The following BEST3 variants were observed in gnomAD, a reference collection of about 807,000 sequenced individuals.
BEST3 encodes bestrophin-3.
BEST3 carries 50 observed loss-of-function variants against 47.1 expected under a neutral mutation model. That is an observed-to-expected ratio of 1.06 (90% CI 0.85 to 1.34). The LOEUF is 1.34. BEST3 is among the 40% of genes most tolerant of loss of function. BEST3 has a pLI of 0.00. For missense variants in BEST3, 765 were observed against 817.0 expected (o/e 0.94, Z 0.78); for synonymous variants, 282 against 298.8 (o/e 0.94, Z 0.58).
chr12:69,654,727 A>AT lies in BEST3; in HGVS notation c.*179dup. 1 of 1,349,054 alleles carries AT rather than the reference A, an allele frequency of 7.4e-7. No homozygotes were observed. The highest frequency in any genetic ancestry group is 9.5e-7 in the Non-Finnish European group (1 of 1,052,040). The allele number at this position is 1,349,054 out of a possible 1,614,324, so 83.6% of individuals were successfully genotyped here. A position where few individuals can be genotyped will look rare whatever the true frequency, so the allele number is the denominator to read the frequency against. Reference sequence around the variant, plus strand: ...GTGTTGGATGACGTGAATGCGTTTGATTTTTCGCAGCTCTCAAAAAGTCAG... The same window carrying AT: ...GTGTTGGATGACGTGAATGCGTTTGATTTTTTCGCAGCTCTCAAAAAGTCAG... On this transcript the variant is annotated 3_prime_UTR_variant, in exon 10 of 10. Transcript: ENST00000330891.
At chr12:69,675,319 G>A (rs1188619348) in intron 7 of BEST3, among the ~76,000 whole-genome samples, 1 of 150,958 alleles carries the variant, frequency 6.6e-6, no homozygotes, top group Non-Finnish European at 1.5e-5. Context: ...ATGGGGTTTC[G>A]CCATATTGCC....
At chr12:69,685,825 G>A (rs1374868688) in intron 4 of BEST3, among the ~76,000 whole-genome samples, 1 of 152,180 alleles carries the variant, frequency 6.6e-6, no homozygotes, top group East Asian at 1.9e-4. Context: ...ACATTGAGTG[G>A]ATAGCCTTTA....
downstream of BEST3, among the ~76,000 whole-genome samples, chr12:69,651,644 G>A (rs575732505): frequency 4.6e-5 from 7 of 151,936 alleles, no homozygotes; most frequent in African/African-American, 9.6e-5. Context: ...GTGTGATGGC[G>A]GGTCCCTGTA....
rs1885076446 is a variant in BEST3, at chr12:69,678,852, T to C, written c.523A>G (p.Lys175Glu). 1 of 1,613,264 alleles carries C rather than the reference T, an allele frequency of 6.2e-7. No homozygotes were observed. The highest frequency in any genetic ancestry group is 1.3e-5 in the African/African-American group (1 of 74,904). ...TDERKLFNHL[K>E]SPHLKYWVPF... is the part of the protein sequence containing the mutation. ...ACCCAATATTTCAGATGAGGAGACT[T>C]GAGGTGGTTGAATAATTTCCTTTCA... Residue 175 changes from lysine to glutamate, a missense_variant, in exon 5 of 10, where the codon AAG becomes GAG. By Grantham distance (56) the Lys-to-Glu change is moderately conservative. Transcript: ENST00000330891.
chr12:69,699,231 C>A lies in BEST3; in HGVS notation c.-42G>T. On this transcript the variant is annotated 5_prime_UTR_variant, in exon 1 of 10. Transcript: ENST00000330891. The stretch of plus-strand genomic sequence containing the variant: ...TATTTATTTGGTTTGTAGTCTCCGA[C>A]AGGAAAGAGAATCTTCAAATTTCGG... 39 of 985,442 alleles carry A rather than the reference C, an allele frequency of 4.0e-5. No individual in the cohort carries two copies. Among genetic ancestry groups the A allele is most frequent in the Non-Finnish European group, 4.6e-5 (38 of 829,928 alleles). 61.0% of individuals were successfully genotyped at this position (985,442 alleles called of 1,614,324 possible). A position where few individuals can be genotyped will look rare whatever the true frequency, so the allele number is the denominator to read the frequency against.
chr12:69,679,897 G>A (rs953647608), intron 4 of BEST3, among the ~76,000 whole-genome samples: 4 of 137,210 alleles, frequency 2.9e-5, no homozygotes, highest in Non-Finnish European at 6.2e-5. Context: ...GTGTGTGTGT[G>A]CATGTGTGTA....
At chr12:69,675,158 T>C (rs1220999819) in intron 7 of BEST3, among the ~76,000 whole-genome samples, 2 of 152,158 alleles carry the variant, frequency 1.3e-5, no homozygotes, top group African/African-American at 4.8e-5. Flanking sequence ...CTTGCTCTGT[T>C]ACCCAGGCTG....
intron 4 of BEST3, among the ~76,000 whole-genome samples, chr12:69,692,109 C>T (rs2136041258): frequency 6.6e-6 from 1 of 152,280 alleles, no homozygotes; most frequent in East Asian, 1.9e-4. Flanking sequence ...GAAATATAGA[C>T]ATTCATCTCT....
At chr12:69,648,987 T>C (rs1883127112), downstream of BEST3, among the ~76,000 whole-genome samples, 1 of 152,174 alleles carries the variant, frequency 6.6e-6, no homozygotes, top group Non-Finnish European at 1.5e-5. Context: ...TCTTCAATAA[T>C]ATTGGTAAGA....
Position 69,654,564 on chromosome 12 carries a change from T to A in BEST3, c.*343A>T, listed in dbSNP as rs1883339453. On this transcript the variant is annotated 3_prime_UTR_variant, in exon 10 of 10. Transcript: ENST00000330891. ...GGCCTTTGGGTCTAGGGGATTGGACTATGATCTATGAGACTCTTTCCACAA... is the reference window on the plus strand; with the variant it reads ...GGCCTTTGGGTCTAGGGGATTGGACAATGATCTATGAGACTCTTTCCACAA... The A allele has an allele frequency of 9.8e-7, 1 of 1,023,330 alleles. No individual in the cohort carries two copies. Among genetic ancestry groups the A allele is most frequent in the Non-Finnish European group, 1.2e-6 (1 of 852,878 alleles). The allele number at this position is 1,023,330 out of a possible 1,614,324, so 63.4% of individuals were successfully genotyped here. A position where few individuals can be genotyped will look rare whatever the true frequency, so the allele number is the denominator to read the frequency against.
At chr12:69,696,058 A>G (rs1367884057) in intron 2 of BEST3, among the ~76,000 whole-genome samples, 3 of 152,142 alleles carry the variant, frequency 2.0e-5, no homozygotes, top group East Asian at 1.9e-4. Context: ...TAATAGAGCT[A>G]ATAAAGACTT....
exon 10 of BEST3, chr12:69,643,603 G>GGAGA (rs1882941880): frequency 1.8e-6 from 1 of 570,698 alleles, no homozygotes. Context: ...GCTAAAAAGT[G>GGAGA]GAGAATGTTT....
chr12:69,646,027 C>T (rs906012920), intron 9 of BEST3, among the ~76,000 whole-genome samples: 2 of 152,118 alleles, frequency 1.3e-5, no homozygotes, highest in Non-Finnish European at 2.9e-5. Context: ...ACCTCTGCCC[C>T]CGAGGTTCAA....
At position 69,655,613 on chromosome 12, in the gene BEST3, T is replaced by A. The variant is rs1304208915; in HGVS notation, c.1301A>T (p.Asp434Val). ...GTTTCTTGAGGGCACATCCAGTAGGTCCCTGGCTGGGCTGAGGTCATCTCG... is the reference window on the plus strand; with the variant it reads ...GTTTCTTGAGGGCACATCCAGTAGGACCCTGGCTGGGCTGAGGTCATCTCG... ...LPRDDLSPARDLLDVPSRNPP... is the reference protein window; with the variant it reads ...LPRDDLSPARVLLDVPSRNPP... The change falls in exon 10 of 10, where the codon GAC becomes GTC. Residue 434 changes from aspartate to valine, a missense_variant. Transcript: ENST00000330891. 4 of 1,613,790 alleles carry A rather than the reference T, an allele frequency of 2.5e-6. No individual in the cohort carries two copies. The African/African-American group carries it at 5.3e-5, about 22-fold the overall frequency.
chr12:69,697,538 A>C (rs1017422105), intron 2 of BEST3, 109 bp downstream of exon 2: 18 of 846,104 alleles, frequency 2.1e-5, no homozygotes, highest in Non-Finnish European at 3.6e-6. Flanking sequence ...TCACGCAAAA[A>C]AGGAGTTCCA....
chr12:69,657,688 AG>A (rs1883594804), intron 9 of BEST3, among the ~76,000 whole-genome samples: 1 of 152,214 alleles, frequency 6.6e-6, no homozygotes, highest in Non-Finnish European at 1.5e-5. Context: ...TGTGACATGA[AG>A]GAGAACATTG....
chr12:69,674,892 C>CTTTTT (rs35297025), intron 7 of BEST3, among the ~76,000 whole-genome samples: 1 of 109,430 alleles, frequency 9.1e-6, no homozygotes, highest in Admixed American at 1.1e-4. Flanking sequence ...TTAGGTTTGC[C>CTTTTT]TTTTTTTTTT....
chr12:69,691,340 A>G (rs1158011989), intron 4 of BEST3, among the ~76,000 whole-genome samples: 1 of 152,224 alleles, frequency 6.6e-6, no homozygotes, highest in Non-Finnish European at 1.5e-5. Flanking sequence ...GAAACTGAGG[A>G]ACAGAATGGT....
At chr12:69,658,017 T>G (rs1883620424) in intron 9 of BEST3, among the ~76,000 whole-genome samples, 1 of 152,068 alleles carries the variant, frequency 6.6e-6, no homozygotes, top group African/African-American at 2.4e-5. Context: ...CCAGTCACAC[T>G]CCACAGGCAC....
Sources: gnomAD v4.1 joint callset for allele counts (sites outside exome capture counted in the v4.1 genomes callset) on GRCh38, gnomAD v4.1.1 for gene constraint, MANE v1.5 for transcripts, NCBI Gene and HGNC (gene_info 2026-07-23, HGNC 2026-07-21) for gene names.